LAMP5: variants seen among roughly 807,000 people sequenced by gnomAD.
The protein encoded by LAMP5 is lysosome-associated membrane glycoprotein 5.
Under a neutral mutation model 30.2 loss-of-function variants are expected in LAMP5, and 36 were observed. That is an observed-to-expected ratio of 1.19 (90% CI 0.91 to 1.57). The LOEUF (loss-of-function observed/expected upper bound fraction) is 1.57. LAMP5 is among the 40% of genes most tolerant of loss of function. LAMP5 has a pLI of 0.00. For synonymous variants in LAMP5, 149 were observed against 134.6 expected (o/e 1.11, Z -0.74); for missense variants, 377 against 354.9 (o/e 1.06, Z -0.50).
chr20:9,529,880 A>G lies in LAMP5; in HGVS notation c.*60A>G. On this transcript the variant is annotated 3_prime_UTR_variant, in exon 6 of 6. Transcript: ENST00000246070. ...CCCAACTGGATCAGGTAGAACAACA[A>G]AAGCACTTTTCCATCTTGTACACGA... 6.5e-7 allele frequency: 1 copy of G among 1,542,836 alleles called. No individual in the cohort carries two copies. The highest frequency in any genetic ancestry group is 8.9e-7 in the Non-Finnish European group (1 of 1,124,266).
chr20:9,524,253 C>A (rs1486589085), intron 5 of LAMP5, among the ~76,000 whole-genome samples: 1 of 152,064 alleles, frequency 6.6e-6, no homozygotes, highest in Non-Finnish European at 1.5e-5. Context: ...TTTATTCATT[C>A]ATAAACATTA....
chr20:9,526,860 G>GTGTGTA (rs1426298098), intron 5 of LAMP5, among the ~76,000 whole-genome samples: 9 of 80,230 alleles, frequency 1.1e-4, no homozygotes, highest in African/African-American at 2.2e-4. Flanking sequence ...GTGTGTGTGT[G>GTGTGTA]TATATATATA....
chr20:9,521,700 A>G (rs1208941253), intron 5 of LAMP5, among the ~76,000 whole-genome samples: 9 of 152,172 alleles, frequency 5.9e-5, no homozygotes, highest in Non-Finnish European at 1.2e-4. Flanking sequence ...AAGTCCTGCA[A>G]TTCCCTTGGA....
chr20:9,528,317 T>TGC (rs2045127555), intron 5 of LAMP5, among the ~76,000 whole-genome samples: 2 of 139,868 alleles, frequency 1.4e-5, no homozygotes, highest in African/African-American at 2.9e-5. Context: ...TGTGTGTGTG[T>TGC]GTGTGCGTGT....
rs779013828 is a variant in LAMP5, at chr20:9,515,515, C to T, written c.127C>T (p.Pro43Ser). The T allele has an allele frequency of 3.1e-6, 5 of 1,614,148 alleles. No individual in the cohort carries two copies. In the East Asian group the frequency reaches 1.1e-4, roughly 36 times the overall value. Residue 43 changes from proline to serine, a missense_variant, in exon 2 of 6, where the codon CCT becomes TCT. Pro to Ser is a moderately conservative substitution (Grantham distance 74). Transcript: ENST00000246070. ...AAATCTCTCAGGCCTTTCCACTAACCCTGAAAAAGATATATTTGTGGTGCG... is the reference window on the plus strand; with the variant it reads ...AAATCTCTCAGGCCTTTCCACTAACTCTGAAAAAGATATATTTGTGGTGCG... ...VENLSGLSTN[P>S]EKDIFVVREN...
chr20:9,523,263 C>T (rs1337796494), intron 5 of LAMP5, among the ~76,000 whole-genome samples: 2 of 151,954 alleles, frequency 1.3e-5, no homozygotes, highest in Non-Finnish European at 2.9e-5. Context: ...TCTATCTTGC[C>T]CTGCCAAACA....
chr20:9,518,647 C>G (rs897757133), intron 5 of LAMP5, among the ~76,000 whole-genome samples: 1 of 152,186 alleles, frequency 6.6e-6, no homozygotes, highest in Non-Finnish European at 1.5e-5. Flanking sequence ...TGCAAACTTC[C>G]CAAGGAGAAA....
Position 9,529,883 on chromosome 20 carries a change from GCACTTTTC to G in LAMP5, c.*66_*73del. The G allele has an allele frequency of 6.5e-7, 1 of 1,528,118 alleles. No homozygotes were observed. The allele number at this position is 1,528,118 out of a possible 1,614,324, so 94.7% of individuals were successfully genotyped here. On this transcript the variant is annotated 3_prime_UTR_variant, in exon 6 of 6. Transcript: ENST00000246070. ...AACTGGATCAGGTAGAACAACAAAA[GCACTTTTC>G]CATCTTGTACACGAGATACACCAAC...
In LAMP5 at chr20:9,529,845, T is replaced by G. The variant is rs763092007; in HGVS notation, c.*25T>G. The G allele has an allele frequency of 6.2e-7, 1 of 1,610,600 alleles. No homozygotes were observed. Among genetic ancestry groups the G allele is most frequent in the Non-Finnish European group, 8.5e-7 (1 of 1,177,240 alleles). On this transcript the variant is annotated 3_prime_UTR_variant, in exon 6 of 6. Transcript: ENST00000246070. ...GAGGCCGTTAGGCAGGCACCCCCTA[T>G]TCCTGCTCCCCCAACTGGATCAGGT...
chr20:9,528,758 C>T (rs188290115), intron 5 of LAMP5, among the ~76,000 whole-genome samples: 1 of 152,254 alleles, frequency 6.6e-6, no homozygotes, highest in East Asian at 1.9e-4. Context: ...CCTTGTTTTC[C>T]TTTCCCCAGA....
At position 9,514,754 on chromosome 20, in the gene LAMP5, T is replaced by C. The variant is rs2045021665; in HGVS notation, c.-99T>C. 3 of 1,014,694 alleles carry C rather than the reference T, an allele frequency of 3.0e-6. No homozygotes were observed. The South Asian group carries it at 4.1e-5, about 14-fold the overall frequency. The allele number at this position is 1,014,694 out of a possible 1,614,324, so 62.9% of individuals were successfully genotyped here. A position where few individuals can be genotyped will look rare whatever the true frequency, so the allele number is the denominator to read the frequency against. ...CCCTCCCCCTTCTCTGTCCCCCGCC[T>C]CTCGCTCACCCCGGCCCACTCCAGC... is the stretch of plus-strand genomic sequence containing the variant. On this transcript the variant is annotated 5_prime_UTR_variant, in exon 1 of 6. Transcript: ENST00000246070.
chr20:9,524,443 A>T (rs2045098108), intron 5 of LAMP5, among the ~76,000 whole-genome samples: 1 of 151,656 alleles, frequency 6.6e-6, no homozygotes, highest in Admixed American at 6.6e-5. Context: ...CTCTGCATGT[A>T]CATATGCTCT....
chr20:9,528,688 C>G (rs1312978080), intron 5 of LAMP5, among the ~76,000 whole-genome samples: 2 of 152,140 alleles, frequency 1.3e-5, no homozygotes, highest in Non-Finnish European at 2.9e-5. Flanking sequence ...CTTATATTTG[C>G]AACCATGTAA....
intron 5 of LAMP5, among the ~76,000 whole-genome samples, chr20:9,527,553 G>T (rs1402885140): frequency 6.6e-6 from 1 of 152,182 alleles, no homozygotes; most frequent in Non-Finnish European, 1.5e-5. Flanking sequence ...GAGGAGACTG[G>T]AATACAGTAG....
chr20:9,529,758 A>G lies in LAMP5; in HGVS notation c.781A>G (p.Lys261Glu). 6.2e-7 allele frequency: 1 copy of G among 1,614,224 alleles called. No homozygotes were observed. Among genetic ancestry groups the G allele is most frequent in the Non-Finnish European group, 8.5e-7 (1 of 1,180,034 alleles). Reference protein sequence around the residue: ...VTLAIYHVHHKMTANQVQIPR... With the variant: ...VTLAIYHVHHEMTANQVQIPR... Reference sequence around the variant, plus strand: ...ACTCGCGATTTACCACGTCCACCACAAAATGACTGCCAACCAGGTGCAGAT... The same window carrying G: ...ACTCGCGATTTACCACGTCCACCACGAAATGACTGCCAACCAGGTGCAGAT... The change falls in exon 6 of 6, where the codon AAA becomes GAA. Residue 261 changes from lysine to glutamate, a missense_variant. By Grantham distance (56) the Lys-to-Glu change is moderately conservative (BLOSUM62 1). Coordinates refer to ENST00000246070, the MANE Select transcript of LAMP5 (RefSeq NM_012261.4).
chr20:9,525,379 T>C (rs920887399), intron 5 of LAMP5, among the ~76,000 whole-genome samples: 10 of 152,184 alleles, frequency 6.6e-5, no homozygotes, highest in African/African-American at 2.2e-4. Flanking sequence ...CCTTCTGTAG[T>C]ATGACGTTGG....
chr20:9,529,935 G>A lies in LAMP5; in HGVS notation c.*115G>A. The A allele has an allele frequency of 9.4e-7, 1 of 1,068,476 alleles. No individual in the cohort carries two copies. The highest frequency in any genetic ancestry group is 1.3e-6 in the Non-Finnish European group (1 of 741,240). 66.2% of individuals were successfully genotyped at this position (1,068,476 alleles called of 1,614,324 possible). A position where few individuals can be genotyped will look rare whatever the true frequency, so the allele number is the denominator to read the frequency against. ...CACCAACATAGCTACAATCAAACAG[G>A]CCTGGGTATCTGAGGCTTGCTTGGC... On this transcript the variant is annotated 3_prime_UTR_variant, in exon 6 of 6. Coordinates refer to ENST00000246070, the MANE Select transcript of LAMP5 (RefSeq NM_012261.4).
chr20:9,517,959 T>C, intron 4 of LAMP5, 81 bp from the exon 5 acceptor site: 1 of 1,291,344 alleles, frequency 7.7e-7, no homozygotes, highest in Non-Finnish European at 1.1e-6. Flanking sequence ...TGTCTGGAAC[T>C]GAGAGGCAAT....
rs549315565 is a variant in LAMP5 at position 9,528,790 on chromosome 20, A to G, written c.665-852A>G. Among the ~76,000 whole-genome samples, 25 of 152,308 alleles carry G rather than the reference A, an allele frequency of 1.6e-4. 1 individual carries two copies. The South Asian group carries it at 5.2e-3, about 32-fold the overall frequency. ...CAGATATAAGCACATTCTGACTTCT[A>G]TCACCACAGAGTTAGTTTTACCTGC... is the stretch of plus-strand genomic sequence containing the variant. On this transcript the variant is annotated intron_variant, in intron 5 of 5. Coordinates refer to ENST00000246070, the MANE Select transcript of LAMP5 (RefSeq NM_012261.4).
Sources: gnomAD v4.1 joint callset for allele counts (sites outside exome capture counted in the v4.1 genomes callset) on GRCh38, gnomAD v4.1.1 for gene constraint, MANE v1.5 for transcripts, NCBI Gene and HGNC (gene_info 2026-07-23, HGNC 2026-07-21) for gene names.